The following CRACDL variants were observed in gnomAD, a reference collection of about 807,000 sequenced individuals.
CRACDL encodes the protein CRACD like.
In CRACDL, 26 loss-of-function variants were observed where a neutral mutation model predicts 70.6. That is an observed-to-expected ratio of 0.37 (90% CI 0.27 to 0.51). The LOEUF (loss-of-function observed/expected upper bound fraction) is 0.51. CRACDL is among the 20% of genes least tolerant of loss of function. The probability of loss-of-function intolerance (pLI) is 0.94; values close to 1 mark genes in which losing one functional copy is unlikely to be tolerated. For synonymous variants in CRACDL, 618 were observed against 615.2 expected (o/e 1.00, Z -0.07); for missense variants, 1,283 against 1,376.9 (o/e 0.93, Z 1.08).
chr2:98,815,311 G>C (rs543188566), intron 7 of CRACDL, among the ~76,000 whole-genome samples: 1 of 152,296 alleles, frequency 6.6e-6, no homozygotes, highest in South Asian at 2.1e-4. Flanking sequence ...ATTCTCAAAA[G>C]GTTTTGCTGT....
At chr2:98,935,551 C>A (rs1476991999) in intron 1 of CRACDL, among the ~76,000 whole-genome samples, 1 of 152,216 alleles carries the variant, frequency 6.6e-6, no homozygotes, top group Admixed American at 6.5e-5. Flanking sequence ...CTTTCCCCTG[C>A]AACTGCGTGT....
chr2:98,898,234 A>G (rs1212597550), intron 1 of CRACDL, among the ~76,000 whole-genome samples: 1 of 152,260 alleles, frequency 6.6e-6, no homozygotes, highest in Non-Finnish European at 1.5e-5. Context: ...CACATAAAAG[A>G]GAAAAAACAG....
At chr2:98,925,337 C>A (rs1708887224) in intron 1 of CRACDL, among the ~76,000 whole-genome samples, 8 of 152,202 alleles carry the variant, frequency 5.3e-5, no homozygotes, top group Admixed American at 5.2e-4. Flanking sequence ...TACCAGGACA[C>A]TTCCTGACAC....
At chr2:98,813,068 G>A (rs1704638967) in intron 7 of CRACDL, among the ~76,000 whole-genome samples, 1 of 151,926 alleles carries the variant, frequency 6.6e-6, no homozygotes, top group Non-Finnish European at 1.5e-5. Flanking sequence ...TCATACTTTT[G>A]CCTATGAATA....
chr2:98,884,420 G>C (rs980530250), intron 1 of CRACDL, among the ~76,000 whole-genome samples: 1 of 152,196 alleles, frequency 6.6e-6, no homozygotes, highest in South Asian at 2.1e-4. Context: ...AGAGTAAGGT[G>C]GTGGGGCTGG....
At chr2:98,821,811 G>C (rs1462304039) in intron 7 of CRACDL, 46 bp downstream of exon 7, 2 of 1,586,686 alleles carry the variant, frequency 1.3e-6, no homozygotes, top group South Asian at 1.1e-5. Flanking sequence ...CGTGGATGTG[G>C]ATCTCCCCAG....
intron 1 of CRACDL, 94 bp from the exon 2 acceptor site, chr2:98,846,904 G>T: frequency 9.8e-7 from 1 of 1,020,090 alleles, no homozygotes; most frequent in Non-Finnish European, 1.5e-6. Context: ...GCCATGATCT[G>T]GCCTGCACAC....
At chr2:98,931,487 G>A (rs1412600966) in intron 1 of CRACDL, among the ~76,000 whole-genome samples, 2 of 152,148 alleles carry the variant, frequency 1.3e-5, no homozygotes, top group African/African-American at 2.4e-5. Context: ...CGCAGCTAAT[G>A]GTTCTGGTGC....
At chr2:98,935,583 C>T (rs1709186019) in intron 1 of CRACDL, among the ~76,000 whole-genome samples, 2 of 152,184 alleles carry the variant, frequency 1.3e-5, no homozygotes, top group Admixed American at 1.3e-4. Flanking sequence ...GCATAAAGAC[C>T]TCGTATGCTA....
At chr2:98,925,859 ACACACACATGCGCGCG>A (rs1345003383) in intron 1 of CRACDL, among the ~76,000 whole-genome samples, 1 of 152,134 alleles carries the variant, frequency 6.6e-6, no homozygotes, top group African/African-American at 2.4e-5. Context: ...TCTCTTCTAA[ACACACACATGCGCGCG>A]CACACACATG....
At chr2:98,906,020 T>C (rs1401211760) in intron 1 of CRACDL, among the ~76,000 whole-genome samples, 1 of 152,172 alleles carries the variant, frequency 6.6e-6, no homozygotes, top group Non-Finnish European at 1.5e-5. Flanking sequence ...TTTCCTCAAA[T>C]ATTTTTTGGC....
Position 98,822,675 on chromosome 2 carries a change from T to G in CRACDL, c.1598A>C (p.Glu533Ala). Residue 533 changes from glutamate to alanine, a missense_variant, in exon 7 of 10, where the codon GAG becomes GCG. Coordinates refer to ENST00000397899, the MANE Select transcript of CRACDL (RefSeq NM_207362.3). This position sits in a 1 kb window ranked among gnomAD's most constrained non-coding sequence, Gnocchi z 4.9. The part of the protein sequence containing the change: ...VEPGPGSLDA[E>A]AAAPERPKAE... ...CTTGGGGCGCTCCGGGGCGGCGGCC[T>G]CTGCGTCGAGGGAACCGGGGCCGGG... The G allele has an allele frequency of 7.8e-7, 1 of 1,277,166 alleles. No individual in the cohort carries two copies. Among genetic ancestry groups the G allele is most frequent in the Non-Finnish European group, 9.8e-7 (1 of 1,015,254 alleles). 79.1% of individuals were successfully genotyped at this position (1,277,166 alleles called of 1,614,324 possible).
At chr2:98,846,503 G>C (rs1449544414) in intron 2 of CRACDL, among the ~76,000 whole-genome samples, 1 of 152,212 alleles carries the variant, frequency 6.6e-6, no homozygotes. Context: ...TGAGCTGAAA[G>C]GTCCCCGTGC....
intron 7 of CRACDL, among the ~76,000 whole-genome samples, chr2:98,799,448 G>T (rs982666066): frequency 6.6e-6 from 1 of 151,976 alleles, no homozygotes; most frequent in African/African-American, 2.4e-5. Context: ...AGCCAGGGAC[G>T]GCTCTCACTC....
chr2:98,874,213 TG>T (rs1277448806), intron 1 of CRACDL, among the ~76,000 whole-genome samples: 1 of 152,212 alleles, frequency 6.6e-6, no homozygotes, highest in Non-Finnish European at 1.5e-5. Flanking sequence ...CTTTTATAAG[TG>T]GTACCTGCCA....
At chr2:98,868,980 C>T (rs935520817) in intron 1 of CRACDL, 2 of 603,908 alleles carry the variant, frequency 3.3e-6, no homozygotes, top group African/African-American at 3.8e-5. Flanking sequence ...ATCCATAGGC[C>T]TCAGGGGATG....
Position 98,798,367 on chromosome 2 carries a change from C to T in CRACDL, c.2417-830G>A, listed in dbSNP as rs1703923606. On this transcript the variant is annotated intron_variant, in intron 7 of 9. Coordinates refer to ENST00000397899, the MANE Select transcript of CRACDL (RefSeq NM_207362.3). ...GCTGAGGCAGGAGAATGGCGTGAAC[C>T]CGGGAGGCGGAGCTTGCAGTGAGCC... Among the ~76,000 whole-genome samples, 5 of 139,640 alleles carry T rather than the reference C, an allele frequency of 3.6e-5. No homozygotes were observed. In the South Asian group the frequency reaches 1.2e-3, roughly 33 times the overall value. The allele number at this position is 139,640 out of a possible 152,430, so 91.6% of individuals were successfully genotyped here.
At chr2:98,808,802 C>T (rs562652718) in intron 7 of CRACDL, among the ~76,000 whole-genome samples, 1 of 152,200 alleles carries the variant, frequency 6.6e-6, no homozygotes, top group Non-Finnish European at 1.5e-5. Flanking sequence ...AGGGTCTCAG[C>T]GCCCCCCACA....
At chr2:98,926,281 G>T (rs957405554) in intron 1 of CRACDL, among the ~76,000 whole-genome samples, 2 of 152,136 alleles carry the variant, frequency 1.3e-5, no homozygotes, top group Admixed American at 1.3e-4. Flanking sequence ...CCCCAGACAG[G>T]CCTAATTCCT....
Sources: allele counts gnomAD v4.1 joint callset (sites outside exome capture counted in the v4.1 genomes callset), GRCh38; gene constraint gnomAD v4.1.1; non-coding constraint Gnocchi (gnomAD v3.1); transcripts MANE v1.5; gene names NCBI Gene and HGNC (gene_info 2026-07-23, HGNC 2026-07-21).